The following MXI1 variants were observed in gnomAD, a reference collection of about 807,000 sequenced individuals.
The protein encoded by MXI1 is max-interacting protein 1.
MXI1 carries 18 observed loss-of-function variants against 36.9 expected under a neutral mutation model. That is an observed-to-expected ratio of 0.49 (90% confidence interval 0.34 to 0.72). The LOEUF (loss-of-function observed/expected upper bound fraction) is 0.72, where lower values mean the gene tolerates loss of function less well. Ranked by LOEUF, MXI1 falls within the 30% of genes least tolerant of loss-of-function variation. The pLI is 0.01. For missense variants in MXI1, 304 were observed against 379.1 expected (o/e 0.80, Z 1.64); for synonymous variants, 160 against 146.7 (o/e 1.09, Z -0.65).
At chr10:110,278,679 G>A (rs1857125151) in intron 3 of MXI1, among the ~76,000 whole-genome samples, 1 of 149,520 alleles carries the variant, frequency 6.7e-6, no homozygotes, top group Admixed American at 6.7e-5. Flanking sequence ...ACTGTAGGAT[G>A]GCTACAGTTG....
chr10:110,236,658 A>G (rs527601390), intron 2 of MXI1, among the ~76,000 whole-genome samples: 134 of 152,194 alleles, frequency 8.8e-4, no homozygotes, highest in African/African-American at 3.2e-3. Flanking sequence ...ATAGGCTTTC[A>G]CCATGTTGCC....
At chr10:110,208,635 C>T (rs1271404622) in intron 1 of MXI1, 1 of 152,328 alleles carries the variant, frequency 6.6e-6, no homozygotes, top group East Asian at 1.9e-4. Flanking sequence ...CTCTCTCCCT[C>T]CTACTTCGCC....
chr10:110,253,804 G>A (rs892066107), intron 3 of MXI1, among the ~76,000 whole-genome samples: 1 of 152,142 alleles, frequency 6.6e-6, no homozygotes, highest in Admixed American at 6.6e-5. Context: ...GATGCAAAGG[G>A]TATTAGTATG....
Position 110,208,420 on chromosome 10 carries a change from CT to C in MXI1, c.274+356del, listed in dbSNP as rs769093791. On this transcript the variant is annotated intron_variant, in intron 1 of 5. Transcript: ENST00000332674. ...CATCTCTTTGAGGTCGCTTTTCTTC[CT>C]TTTTTTTTTTTTTTTTTCCGGAGCC... 5.8e-3 allele frequency: 777 copies of C among 133,852 alleles called. 3 individuals are homozygous for C. The highest frequency in any genetic ancestry group is 0.019 in the South Asian group (88 of 4,752). 8.3% of individuals were successfully genotyped at this position (133,852 alleles called of 1,614,324 possible).
intron 1 of MXI1, chr10:110,208,395 C>A: frequency 4.3e-5 from 8 of 186,212 alleles, no homozygotes; most frequent in East Asian, 1.3e-4. Context: ...GCCGAGAGCT[C>A]ATCTCTTTGA....
chr10:110,279,067 CATCT>C, intron 3 of MXI1, 109 bp from the exon 4 acceptor site: 1 of 726,024 alleles, frequency 1.4e-6, no homozygotes, highest in Non-Finnish European at 2.3e-6. Flanking sequence ...AGGGGTGTGA[CATCT>C]ATCCTATAGG....
At chr10:110,225,934 G>A in intron 1 of MXI1, 1 of 841,486 alleles carries the variant, frequency 1.2e-6, no homozygotes, top group Non-Finnish European at 1.4e-6. Flanking sequence ...GCAGAGGCAG[G>A]GGCGGGAGGG....
chr10:110,276,100 T>C (rs1303928320), intron 3 of MXI1, among the ~76,000 whole-genome samples: 2 of 152,254 alleles, frequency 1.3e-5, no homozygotes, highest in African/African-American at 2.4e-5. Context: ...TATTTCCATA[T>C]AGAATTCCAG....
chr10:110,239,366 AT>A (rs1187386439), intron 2 of MXI1, among the ~76,000 whole-genome samples: 2 of 152,278 alleles, frequency 1.3e-5, no homozygotes, highest in Non-Finnish European at 1.5e-5. Flanking sequence ...TGGATCATTG[AT>A]TTTGGACACT....
In MXI1 at chr10:110,214,843, G is replaced by GTT. The variant is rs5787838; in HGVS notation, c.274+6777_274+6778dup. ...TGAATTGTGGTTTTGTGGCTTTTGA[G>GTT]TTTTTTTTTTTTTTTTTAAAGGAGA... On this transcript the variant is annotated intron_variant, in intron 1 of 5. Transcript: ENST00000332674. 8.5e-3 allele frequency among the ~76,000 whole-genome samples: 1,144 copies of GTT among 135,212 alleles called. 14 individuals are homozygous for GTT. The highest frequency in any genetic ancestry group is 0.021 in the African/African-American group (760 of 36,462). The allele number at this position is 135,212 out of a possible 152,430, so 88.7% of individuals were successfully genotyped here. A position where few individuals can be genotyped will look rare whatever the true frequency, so the allele number is the denominator to read the frequency against.
chr10:110,209,421 C>T (rs1287038390), intron 1 of MXI1, among the ~76,000 whole-genome samples: 1 of 152,206 alleles, frequency 6.6e-6, no homozygotes. Context: ...CACAACAACC[C>T]TCAGACACAA....
At chr10:110,253,517 G>A (rs1456719391) in intron 3 of MXI1, among the ~76,000 whole-genome samples, 1 of 152,024 alleles carries the variant, frequency 6.6e-6, no homozygotes. Flanking sequence ...TTTTTACACG[G>A]TGTACACATT....
chr10:110,222,321 A>G (rs1388604683), intron 1 of MXI1, among the ~76,000 whole-genome samples: 1 of 152,204 alleles, frequency 6.6e-6, no homozygotes, highest in Non-Finnish European at 1.5e-5. Flanking sequence ...AAGTTCTCCT[A>G]AGTGCAAGGT....
intron 3 of MXI1, among the ~76,000 whole-genome samples, chr10:110,253,929 A>T (rs956973032): frequency 1.3e-5 from 2 of 152,104 alleles, no homozygotes; most frequent in Admixed American, 1.3e-4. Context: ...TCTCCCTAAG[A>T]TCAGAAATAA....
chr10:110,270,926 G>GTAAAA (rs1172969287), intron 3 of MXI1, among the ~76,000 whole-genome samples: 1 of 151,798 alleles, frequency 6.6e-6, no homozygotes, highest in Non-Finnish European at 1.5e-5. Context: ...CCCGTCTCTA[G>GTAAAA]TAAAATAAAA....
chr10:110,246,488 T>A (rs184559078), intron 3 of MXI1, among the ~76,000 whole-genome samples: 1 of 152,282 alleles, frequency 6.6e-6, no homozygotes, highest in Admixed American at 6.5e-5. Flanking sequence ...AAATGTCAAA[T>A]CCCCTTGAAA....
chr10:110,245,590 G>A (rs1855832962), intron 3 of MXI1, among the ~76,000 whole-genome samples: 1 of 152,144 alleles, frequency 6.6e-6, no homozygotes, highest in African/African-American at 2.4e-5. Context: ...ATAAAAGATT[G>A]TAACATGAGT....
At chr10:110,239,937 C>CT (rs199992349) in intron 2 of MXI1, among the ~76,000 whole-genome samples, 23 of 148,742 alleles carry the variant, frequency 1.5e-4, no homozygotes, top group African/African-American at 4.4e-4. Context: ...GCAATTCCAA[C>CT]TTTTTTTTTT....
intron 2 of MXI1, among the ~76,000 whole-genome samples, chr10:110,231,784 C>A (rs1702072093): frequency 1.3e-5 from 2 of 152,178 alleles, no homozygotes; most frequent in Admixed American, 1.3e-4. Context: ...GGTGAAAAAT[C>A]TCAAGGTCTG....
Sources: gnomAD v4.1 joint callset for allele counts (sites outside exome capture counted in the v4.1 genomes callset) on GRCh38, gnomAD v4.1.1 for gene constraint, MANE v1.5 for transcripts, NCBI Gene and HGNC (gene_info 2026-07-23, HGNC 2026-07-21) for gene names.